Variants in TMEM132D observed in about 807,000 individuals in gnomAD.
TMEM132D encodes the protein mature OL transmembrane protein.
Under a neutral mutation model 62.3 loss-of-function variants are expected in TMEM132D, and 21 were observed. The observed-to-expected ratio is 0.34, with a 90% confidence interval of 0.24 to 0.49. TMEM132D has a LOEUF of 0.49. TMEM132D is among the 20% of genes least tolerant of loss of function. The pLI, the probability that TMEM132D is intolerant of heterozygous loss-of-function variation, is 0.99. For missense variants in TMEM132D, 1,346 were observed against 1,402.8 expected, an observed-to-expected ratio of 0.96 and a Z score of 0.65; for synonymous variants, 621 against 575.6, an observed-to-expected ratio of 1.08 and a Z score of -1.13.
chr12:129,495,171 C>T (rs987916105), intron 3 of TMEM132D, among the ~76,000 whole-genome samples: 1 of 152,036 alleles, frequency 6.6e-6, no homozygotes, highest in African/African-American at 2.4e-5. Context: ...TAAGATAATA[C>T]AAAAGCTTGG....
intron 5 of TMEM132D, among the ~76,000 whole-genome samples, chr12:129,153,393 AAT>A (rs1877135497): frequency 6.6e-6 from 1 of 151,892 alleles, no homozygotes; most frequent in Admixed American, 6.6e-5. Context: ...TGCGGGCCTA[AAT>A]AGATGGGAAT....
chr12:129,189,389 A>G (rs1483815548), intron 5 of TMEM132D, among the ~76,000 whole-genome samples: 3 of 152,146 alleles, frequency 2.0e-5, no homozygotes, highest in African/African-American at 4.8e-5. Flanking sequence ...CTGGGAAGTA[A>G]GGAAGATGGA....
At chr12:129,246,445 C>T (rs963518373) in intron 4 of TMEM132D, among the ~76,000 whole-genome samples, 1 of 152,122 alleles carries the variant, frequency 6.6e-6, no homozygotes, top group African/African-American at 2.4e-5. Flanking sequence ...AATAACTCAA[C>T]AGGTCACAGA....
intron 5 of TMEM132D, among the ~76,000 whole-genome samples, chr12:129,094,510 A>C: frequency 6.6e-6 from 1 of 152,240 alleles, no homozygotes; most frequent in East Asian, 1.9e-4. Flanking sequence ...TAGAATGGTG[A>C]TCATTAAAAA....
At chr12:129,077,679 CACAG>C (rs1404023431) in intron 8 of TMEM132D, among the ~76,000 whole-genome samples, 2 of 151,682 alleles carry the variant, frequency 1.3e-5, no homozygotes, top group South Asian at 4.2e-4. Context: ...ACATATATGA[CACAG>C]ACCCACAACA....
intron 4 of TMEM132D, among the ~76,000 whole-genome samples, chr12:129,230,515 C>T (rs1879610212): frequency 6.6e-6 from 1 of 152,262 alleles, no homozygotes; most frequent in South Asian, 2.1e-4. Context: ...TCATTCTCAA[C>T]TGTCTGAAAC....
At chr12:129,538,740 G>A (rs186934247) in intron 2 of TMEM132D, among the ~76,000 whole-genome samples, 2 of 152,370 alleles carry the variant, frequency 1.3e-5, no homozygotes, top group Admixed American at 6.5e-5. Flanking sequence ...GGATGACGAT[G>A]AGAGGTAATA....
At chr12:129,104,631 A>G (rs1294456662) in intron 5 of TMEM132D, among the ~76,000 whole-genome samples, 5 of 151,814 alleles carry the variant, frequency 3.3e-5, no homozygotes, top group African/African-American at 9.7e-5. Context: ...GAAAATTTTC[A>G]CAACCTACTC....
At chr12:129,432,620 T>C (rs376484397) in intron 3 of TMEM132D, among the ~76,000 whole-genome samples, 108 of 152,316 alleles carry the variant, frequency 7.1e-4, no homozygotes, top group African/African-American at 2.5e-3. Context: ...ATTCAAGTAA[T>C]ATATACCAAG....
intron 1 of TMEM132D, among the ~76,000 whole-genome samples, chr12:129,716,604 G>A (rs749403445): frequency 1.2e-4 from 18 of 152,132 alleles, no homozygotes; most frequent in Non-Finnish European, 1.9e-4. Context: ...AGACATCCAC[G>A]TCCTAATCCC....
chr12:129,720,799 G>A (rs999673231), intron 1 of TMEM132D, among the ~76,000 whole-genome samples: 11 of 152,278 alleles, frequency 7.2e-5, no homozygotes, highest in East Asian at 3.9e-4. Context: ...GATAATCAAC[G>A]TATCAATAAT....
chr12:129,093,222 G>A (rs142376248), intron 5 of TMEM132D, among the ~76,000 whole-genome samples: 2 of 152,146 alleles, frequency 1.3e-5, no homozygotes, highest in Non-Finnish European at 2.9e-5. Flanking sequence ...CCTATTGTGG[G>A]CTGAATTTGG....
intron 2 of TMEM132D, among the ~76,000 whole-genome samples, chr12:129,582,623 CT>C (rs11446843): frequency 0.064 from 9,412 of 146,114 alleles, 485 homozygotes; most frequent in East Asian, 0.24. Flanking sequence ...TTCTTTCTTT[CT>C]TTTTTTTTTT....
chr12:129,766,389 C>T (rs1177259360), intron 1 of TMEM132D, among the ~76,000 whole-genome samples: 2 of 152,088 alleles, frequency 1.3e-5, no homozygotes, highest in African/African-American at 2.4e-5. Context: ...TGTTAAAATA[C>T]ACATACCATA....
intron 1 of TMEM132D, among the ~76,000 whole-genome samples, chr12:129,836,513 T>C (rs547864299): frequency 2.2e-4 from 33 of 151,968 alleles, no homozygotes; most frequent in Middle Eastern, 3.4e-3. Context: ...TGTGTGTGTG[T>C]GTGCGCGCGT....
chr12:129,814,729 C>T (rs977367799), intron 1 of TMEM132D, among the ~76,000 whole-genome samples: 1 of 152,040 alleles, frequency 6.6e-6, no homozygotes, highest in East Asian at 1.9e-4. Flanking sequence ...AGCTGTCAAC[C>T]GCTCTACTAA....
At chr12:129,246,011 C>T (rs77727930) in intron 4 of TMEM132D, among the ~76,000 whole-genome samples, 4,192 of 152,228 alleles carry the variant, frequency 0.028, 193 homozygotes, top group African/African-American at 0.096. Flanking sequence ...AACTAGAAGA[C>T]GTAGTTGCGT....
chr12:129,186,675 C>T (rs1210311757), intron 5 of TMEM132D, among the ~76,000 whole-genome samples: 1 of 152,164 alleles, frequency 6.6e-6, no homozygotes. Context: ...AGAACCTACC[C>T]CATAGGGATG....
chr12:129,082,322 G>A (rs1874481443), intron 6 of TMEM132D, among the ~76,000 whole-genome samples: 1 of 152,186 alleles, frequency 6.6e-6, no homozygotes, highest in African/African-American at 2.4e-5. Context: ...AGTGTGGGCT[G>A]GACCTAGTTT....
Sources: allele counts gnomAD v4.1 joint callset (sites outside exome capture counted in the v4.1 genomes callset), GRCh38; gene constraint gnomAD v4.1.1; transcripts MANE v1.5; gene names NCBI Gene and HGNC (gene_info 2026-07-23, HGNC 2026-07-21).